Variants in VWC2 observed in about 807,000 individuals in gnomAD.
VWC2 encodes the protein brorin.
VWC2 carries 14 observed loss-of-function variants against 29.8 expected under a neutral mutation model. The observed-to-expected ratio is 0.47, with a 90% CI of 0.31 to 0.74. VWC2 has a LOEUF of 0.74. Among genes scored for constraint, VWC2 ranks in the 30% least tolerant of loss-of-function variants. VWC2 has a pLI of 0.05. For synonymous variants in VWC2, 213 were observed against 199.0 expected (o/e 1.07, Z -0.59); for missense variants, 457 against 459.8 (o/e 0.99, Z 0.05).
intron 3 of VWC2, among the ~76,000 whole-genome samples, chr7:49,907,207 G>A (rs899572864): frequency 2.6e-5 from 4 of 152,122 alleles, no homozygotes; most frequent in Admixed American, 6.5e-5. Flanking sequence ...AGTTACACTC[G>A]AAGGATAAAT....
chr7:49,832,624 T>C (rs1446976790), intron 3 of VWC2, among the ~76,000 whole-genome samples: 2 of 152,208 alleles, frequency 1.3e-5, no homozygotes, highest in Non-Finnish European at 2.9e-5. Context: ...AAAACTGACC[T>C]ATTTCAAACT....
At position 49,843,060 on chromosome 7, in the gene VWC2, C is replaced by T. The variant is rs147906556; in HGVS notation, c.826+40220C>T. Among the ~76,000 whole-genome samples the T allele has an allele frequency of 2.0e-3, 306 of 152,178 alleles. 1 individual carries two copies. Among genetic ancestry groups the T allele is most frequent in the African/African-American group, 7.1e-3 (293 of 41,514 alleles). Reference sequence around the variant, plus strand: ...TTTTTCCCCTTCCCTTTCCCCGAGTCGCTGCATTGCCCTCCTGCTCCAGCA... The same window carrying T: ...TTTTTCCCCTTCCCTTTCCCCGAGTTGCTGCATTGCCCTCCTGCTCCAGCA... On this transcript the variant is annotated intron_variant, in intron 3 of 3. Coordinates refer to ENST00000340652, the MANE Select transcript of VWC2 (RefSeq NM_198570.5).
chr7:49,801,296 C>A (rs1255322310), intron 2 of VWC2, among the ~76,000 whole-genome samples: 2 of 152,220 alleles, frequency 1.3e-5, no homozygotes, highest in Non-Finnish European at 2.9e-5. Flanking sequence ...CTGGGGTCTC[C>A]CTGCCCCTGG....
chr7:49,810,765 C>T (rs774439683), intron 3 of VWC2, among the ~76,000 whole-genome samples: 5 of 152,174 alleles, frequency 3.3e-5, no homozygotes, highest in South Asian at 2.1e-4. Flanking sequence ...ATACCTCAAT[C>T]GGGAAAGAAT....
chr7:49,802,901 C>T, intron 3 of VWC2, 61 bp downstream of exon 3: 3 of 1,608,212 alleles, frequency 1.9e-6, no homozygotes, highest in East Asian at 4.5e-5. Context: ...AACCCATGTG[C>T]TGCTTCATGG....
intron 3 of VWC2, among the ~76,000 whole-genome samples, chr7:49,819,394 A>T (rs900787927): frequency 1.3e-5 from 2 of 152,140 alleles, no homozygotes; most frequent in African/African-American, 4.8e-5. Flanking sequence ...ACCTTTATGA[A>T]CTTGCTCATT....
chr7:49,823,935 T>C (rs951401959), intron 3 of VWC2, among the ~76,000 whole-genome samples: 11 of 152,320 alleles, frequency 7.2e-5, no homozygotes, highest in Non-Finnish European at 8.8e-5. Flanking sequence ...TCATTCTTTA[T>C]TGTTATTCTT....
intron 2 of VWC2, 87 bp from the exon 3 acceptor site, chr7:49,802,624 C>T (rs369119971): frequency 3.9e-6 from 6 of 1,548,670 alleles, no homozygotes; most frequent in Non-Finnish European, 5.3e-6. Context: ...AGCGACAGAG[C>T]GAGACTCCAT....
At chr7:49,835,102 C>A (rs1033727662) in intron 3 of VWC2, among the ~76,000 whole-genome samples, 1 of 152,104 alleles carries the variant, frequency 6.6e-6, no homozygotes, top group Non-Finnish European at 1.5e-5. Flanking sequence ...AAGTTGTTTG[C>A]CTAGAATTCT....
At chr7:49,797,916 C>A (rs781114709) in intron 2 of VWC2, among the ~76,000 whole-genome samples, 2 of 152,122 alleles carry the variant, frequency 1.3e-5, no homozygotes, top group Non-Finnish European at 2.9e-5. Flanking sequence ...GACATTTCTG[C>A]CATAAGGTAT....
At chr7:49,800,360 C>T (rs759321826) in intron 2 of VWC2, among the ~76,000 whole-genome samples, 9 of 152,172 alleles carry the variant, frequency 5.9e-5, no homozygotes, top group Admixed American at 2.0e-4. Flanking sequence ...CCCTCCCCGG[C>T]GATATGACAT....
At chr7:49,860,439 T>G (rs78522417) in intron 3 of VWC2, among the ~76,000 whole-genome samples, 4,188 of 152,348 alleles carry the variant, frequency 0.027, 161 homozygotes, top group South Asian at 0.12. Flanking sequence ...GCTTCATTCC[T>G]TTCTGTGGCT....
At chr7:49,876,914 T>C (rs753283946) in intron 3 of VWC2, among the ~76,000 whole-genome samples, 4 of 152,170 alleles carry the variant, frequency 2.6e-5, no homozygotes, top group Middle Eastern at 3.4e-3. Context: ...GGGATCCTTT[T>C]GATGCACTCC....
chr7:49,880,227 A>G (rs150473428), intron 3 of VWC2, among the ~76,000 whole-genome samples: 3 of 152,272 alleles, frequency 2.0e-5, no homozygotes, highest in East Asian at 3.9e-4. Flanking sequence ...TTTTTCTCTT[A>G]TATGTGTGGC....
intron 3 of VWC2, among the ~76,000 whole-genome samples, chr7:49,832,581 A>G (rs1789560757): frequency 6.6e-6 from 1 of 152,164 alleles, no homozygotes. Context: ...TATTGTGCTG[A>G]ACCAGGTTGA....
chr7:49,879,589 T>C (rs942302255), intron 3 of VWC2, among the ~76,000 whole-genome samples: 2 of 152,178 alleles, frequency 1.3e-5, no homozygotes, highest in Non-Finnish European at 2.9e-5. Flanking sequence ...GCAGCACTTC[T>C]GGGTCCTGAC....
At chr7:49,789,755 A>G (rs1285685798) in intron 2 of VWC2, among the ~76,000 whole-genome samples, 1 of 152,262 alleles carries the variant, frequency 6.6e-6, no homozygotes. Flanking sequence ...AGGTGGTCAG[A>G]TGCAGTTGAC....
At chr7:49,883,057 C>A (rs1044281656) in intron 3 of VWC2, among the ~76,000 whole-genome samples, 1 of 152,014 alleles carries the variant, frequency 6.6e-6, no homozygotes, top group African/African-American at 2.4e-5. Flanking sequence ...TTGTCTGGGT[C>A]CTTTGAGACA....
intron 3 of VWC2, among the ~76,000 whole-genome samples, chr7:49,897,975 A>T (rs1792474090): frequency 6.6e-6 from 1 of 152,194 alleles, no homozygotes; most frequent in South Asian, 2.1e-4. Context: ...TGTTCTTCTC[A>T]GTTCTCAGGA....
Sources: allele counts gnomAD v4.1 joint callset (sites outside exome capture counted in the v4.1 genomes callset), GRCh38; gene constraint gnomAD v4.1.1; transcripts MANE v1.5; gene names NCBI Gene and HGNC (gene_info 2026-07-23, HGNC 2026-07-21).